Variants in SNTB1 observed in about 807,000 individuals in gnomAD.
SNTB1 encodes the protein beta-1-syntrophin.
A neutral mutation model predicts 48.9 loss-of-function variants in SNTB1; 36 were observed. The ratio of observed to expected loss-of-function variants is 0.74; its 90% CI spans 0.56 to 0.97. The LOEUF (loss-of-function observed/expected upper bound fraction) is 0.97, where lower values mean the gene tolerates loss of function less well. Among genes scored for constraint, SNTB1 ranks in the 50% least tolerant of loss-of-function variants. The pLI, the probability that SNTB1 is intolerant of heterozygous loss-of-function variation, is 0.00. For synonymous variants in SNTB1, 299 were observed against 294.6 expected (o/e 1.01, Z -0.15); for missense variants, 786 against 703.4 (o/e 1.12, Z -1.33).
intron 1 of SNTB1, among the ~76,000 whole-genome samples, chr8:120,757,554 T>G (rs1819338010): frequency 6.6e-6 from 1 of 152,218 alleles, no homozygotes; most frequent in Non-Finnish European, 1.5e-5. Flanking sequence ...ATTTCGTGTT[T>G]CAGGAGAAGA....
chr8:120,777,536 C>G (rs1211436855), intron 1 of SNTB1, among the ~76,000 whole-genome samples: 1 of 152,212 alleles, frequency 6.6e-6, no homozygotes, highest in Non-Finnish European at 1.5e-5. Context: ...ACAGTCTGTG[C>G]AAGTCTGTGC....
chr8:120,574,955 G>A, intron 4 of SNTB1, 131 bp downstream of exon 4: 1 of 1,056,842 alleles, frequency 9.5e-7, no homozygotes, highest in Non-Finnish European at 1.4e-6. Flanking sequence ...AAAAATGTGT[G>A]GCTATATTCT....
chr8:120,774,600 G>C (rs994682803), intron 1 of SNTB1, among the ~76,000 whole-genome samples: 3 of 152,138 alleles, frequency 2.0e-5, no homozygotes, highest in African/African-American at 7.2e-5. Flanking sequence ...GAGCCTGGTG[G>C]CAGATTACAA....
chr8:120,566,329 C>CAAAAAAAA, intron 4 of SNTB1, among the ~76,000 whole-genome samples: 1 of 78,314 alleles, frequency 1.3e-5, no homozygotes, highest in Non-Finnish European at 2.5e-5. Context: ...GACTCTGTCT[C>CAAAAAAAA]AAAAAAAAAA....
chr8:120,551,008 A>C (rs145560413), intron 4 of SNTB1, among the ~76,000 whole-genome samples: 7,380 of 152,282 alleles, frequency 0.048, 320 homozygotes, highest in African/African-American at 0.12. Flanking sequence ...CTGTAATCCC[A>C]GCACTTTGGG....
At chr8:120,596,701 TC>T (rs1816332006) in intron 3 of SNTB1, among the ~76,000 whole-genome samples, 2 of 152,168 alleles carry the variant, frequency 1.3e-5, no homozygotes, top group Non-Finnish European at 2.9e-5. Flanking sequence ...TTCTCCACCC[TC>T]CCTTCCACCT....
intron 2 of SNTB1, among the ~76,000 whole-genome samples, chr8:120,670,468 C>T (rs1587077110): frequency 6.6e-6 from 1 of 152,116 alleles, no homozygotes; most frequent in Non-Finnish European, 1.5e-5. Context: ...AGGTAATATC[C>T]GTATGAGGAC....
At chr8:120,728,173 G>GTA (rs1818792809) in intron 1 of SNTB1, among the ~76,000 whole-genome samples, 1 of 151,948 alleles carries the variant, frequency 6.6e-6, no homozygotes, top group Non-Finnish European at 1.5e-5. Flanking sequence ...CTACAGGGGT[G>GTA]TATTTTTGAT....
chr8:120,591,491 G>A (rs1816239947), intron 3 of SNTB1, among the ~76,000 whole-genome samples: 1 of 152,152 alleles, frequency 6.6e-6, no homozygotes. Context: ...TGCCAGGAAG[G>A]AATGTCTGGC....
At chr8:120,757,497 G>T (rs1051129160) in intron 1 of SNTB1, among the ~76,000 whole-genome samples, 1 of 152,208 alleles carries the variant, frequency 6.6e-6, no homozygotes, top group African/African-American at 2.4e-5. Flanking sequence ...AGACATGACA[G>T]CTGCATTTAA....
At chr8:120,553,039 G>A (rs948113084) in intron 4 of SNTB1, among the ~76,000 whole-genome samples, 3 of 152,140 alleles carry the variant, frequency 2.0e-5, no homozygotes, top group African/African-American at 4.8e-5. Flanking sequence ...AATGGGGAGC[G>A]CTGTAAATAC....
chr8:120,671,471 G>A lies in SNTB1; in HGVS notation c.788+22221C>T, dbSNP rs113492553. 2.7e-3 allele frequency among the ~76,000 whole-genome samples: 404 copies of A among 152,308 alleles called. 1 individual carries two copies. Among genetic ancestry groups the A allele is most frequent in the African/African-American group, 8.5e-3 (353 of 41,572 alleles). On this transcript the variant is annotated intron_variant, in intron 2 of 6. Coordinates refer to ENST00000517992, the MANE Select transcript of SNTB1 (RefSeq NM_021021.4). Reference sequence around the variant, plus strand: ...TAAAGACTGAAGCGGAGATTGCAGGGATGCAGCTACAAGCCAAGAAATACC... The same window carrying A: ...TAAAGACTGAAGCGGAGATTGCAGGAATGCAGCTACAAGCCAAGAAATACC...
intron 2 of SNTB1, among the ~76,000 whole-genome samples, chr8:120,678,317 T>C (rs899675990): frequency 8.5e-5 from 13 of 152,210 alleles, no homozygotes; most frequent in African/African-American, 2.7e-4. Flanking sequence ...TGTGACAACA[T>C]TCTTACTGGT....
chr8:120,655,953 G>T (rs1817494748), intron 2 of SNTB1, among the ~76,000 whole-genome samples: 1 of 152,210 alleles, frequency 6.6e-6, no homozygotes, highest in Non-Finnish European at 1.5e-5. Context: ...TGTGGGCTTA[G>T]GCAGTGTGTG....
intron 1 of SNTB1, chr8:120,775,639 G>A (rs952201627): frequency 3.3e-5 from 5 of 150,656 alleles, no homozygotes; most frequent in East Asian, 3.9e-4. Context: ...ATGAAAGAAG[G>A]AAGGAAGGAA....
chr8:120,683,081 CTG>C (rs1817963125), intron 2 of SNTB1, among the ~76,000 whole-genome samples: 1 of 152,030 alleles, frequency 6.6e-6, no homozygotes, highest in Non-Finnish European at 1.5e-5. Flanking sequence ...CGGGGTTTCA[CTG>C]CGTTAGCCAG....
chr8:120,680,615 T>C (rs1488432002), intron 2 of SNTB1, among the ~76,000 whole-genome samples: 1 of 152,204 alleles, frequency 6.6e-6, no homozygotes, highest in Non-Finnish European at 1.5e-5. Flanking sequence ...GATGCCCCCA[T>C]TTCCACTGTA....
At chr8:120,639,330 T>C (rs1390401336) in intron 2 of SNTB1, among the ~76,000 whole-genome samples, 1 of 152,132 alleles carries the variant, frequency 6.6e-6, no homozygotes, top group Non-Finnish European at 1.5e-5. Context: ...TTCTCCCATT[T>C]TGTAGGTTGC....
chr8:120,765,891 G>A (rs1819513845), intron 1 of SNTB1: 1 of 152,042 alleles, frequency 6.6e-6, no homozygotes, highest in African/African-American at 2.4e-5. Context: ...GAGAGAAGGG[G>A]GTTGTGTCCT....
Sources: allele counts gnomAD v4.1 joint callset (sites outside exome capture counted in the v4.1 genomes callset), GRCh38; gene constraint gnomAD v4.1.1; transcripts MANE v1.5; gene names NCBI Gene and HGNC (gene_info 2026-07-23, HGNC 2026-07-21).